ANHX: variants seen among roughly 807,000 people sequenced by gnomAD.
ANHX encodes the protein anomalous homeobox.
Under a neutral mutation model 38.9 loss-of-function variants are expected in ANHX, and 20 were observed. The ratio of observed to expected loss-of-function variants is 0.51; its 90% CI spans 0.36 to 0.75. The LOEUF is 0.75. Ranked by LOEUF, ANHX falls within the 30% of genes least tolerant of loss-of-function variation. The pLI, the probability that ANHX is intolerant of heterozygous loss-of-function variation, is 0.00. For synonymous variants in ANHX, 185 were observed against 203.1 expected (o/e 0.91, Z 0.76); for missense variants, 475 against 493.1 (o/e 0.96, Z 0.35).
Position 133,218,838 on chromosome 12 carries a change from A to G in ANHX, c.*47T>C, listed in dbSNP as rs1169304770. On this transcript the variant is annotated 3_prime_UTR_variant, in exon 10 of 10. Transcript: ENST00000545940. ...ACTCCTTGTGTTGACCAGGCAGACC[A>G]TCCACACCCGCTCCTCCTGGGGTGC... 3 of 1,404,554 alleles carry G rather than the reference A, an allele frequency of 2.1e-6. No individual in the cohort carries two copies. The highest frequency in any genetic ancestry group is 1.4e-5 in the African/African-American group (1 of 69,348). 87.0% of individuals were successfully genotyped at this position (1,404,554 alleles called of 1,614,324 possible).
At chr12:133,224,691 CGTGGTG>C (rs1957160957) in intron 7 of ANHX, among the ~76,000 whole-genome samples, 1 of 135,138 alleles carries the variant, frequency 7.4e-6, no homozygotes, top group African/African-American at 2.8e-5. Context: ...AAATGCTGGG[CGTGGTG>C]GCTCACGCCT....
At chr12:133,219,165 T>C (rs755702562) in intron 9 of ANHX, 118 bp downstream of exon 9, 14 of 1,076,806 alleles carry the variant, frequency 1.3e-5, no homozygotes, top group Non-Finnish European at 1.9e-5. Context: ...CTTTGCCCCT[T>C]GTTTATCTTT....
Position 133,218,685 on chromosome 12 carries a change from T to C in ANHX, c.*200A>G, listed in dbSNP as rs551744049. The stretch of plus-strand genomic sequence containing the variant: ...ATCTCACGAACATTTCTCAAATGCT[T>C]TCTCTACTACAGGGAATTGCTAACC... On this transcript the variant is annotated 3_prime_UTR_variant, in exon 10 of 10. Transcript: ENST00000545940. 1.6e-4 allele frequency: 68 copies of C among 432,374 alleles called. No individual in the cohort carries two copies. The highest frequency in any genetic ancestry group is 8.3e-4 in the African/African-American group (41 of 49,612). The allele number at this position is 432,374 out of a possible 1,614,324, so 26.8% of individuals were successfully genotyped here.
rs538713338 is a variant in ANHX, at chr12:133,221,118, C to T, written c.1280+87G>A. On this transcript the variant is annotated intron_variant, in intron 8 of 9. Transcript: ENST00000545940. This position sits in a 1 kb window ranked among gnomAD's most constrained non-coding sequence, Gnocchi z 4.1. ...AGGAGAGGACCCTATCTGCACAGTC[C>T]GGGACGGTGAGTCTATAAACTGGGC... The T allele has an allele frequency of 7.3e-5, 107 of 1,472,228 alleles. No homozygotes were observed. The highest frequency in any genetic ancestry group is 2.5e-4 in the East Asian group (10 of 40,246). 91.2% of individuals were successfully genotyped at this position (1,472,228 alleles called of 1,614,324 possible). A position where few individuals can be genotyped will look rare whatever the true frequency, so the allele number is the denominator to read the frequency against.
intron 2 of ANHX, among the ~76,000 whole-genome samples, chr12:133,232,416 C>T (rs988910206): frequency 2.6e-5 from 4 of 152,194 alleles, no homozygotes; most frequent in African/African-American, 9.7e-5. Flanking sequence ...GAGAATCATT[C>T]AGCTTTCTCT....
At chr12:133,223,588 G>A (rs775339248) in intron 7 of ANHX, among the ~76,000 whole-genome samples, 1 of 151,746 alleles carries the variant, frequency 6.6e-6, no homozygotes, top group East Asian at 1.9e-4. Context: ...TGGGACAACA[G>A]GCACCACCAC....
At chr12:133,227,693 A>G in intron 4 of ANHX, 131 bp downstream of exon 4, 4 of 1,034,806 alleles carry the variant, frequency 3.9e-6, no homozygotes, top group Non-Finnish European at 5.5e-6. Flanking sequence ...GTCCCTGTCC[A>G]GAGGAGGGGC....
intron 2 of ANHX, 140 bp downstream of exon 2, chr12:133,233,968 T>A: frequency 4.4e-6 from 5 of 1,132,350 alleles, no homozygotes; most frequent in Non-Finnish European, 6.1e-6. Context: ...CTCCCAGGTT[T>A]TTCCAAGGCC....
intron 7 of ANHX, among the ~76,000 whole-genome samples, chr12:133,223,193 A>AT (rs1295703915): frequency 6.6e-6 from 1 of 151,458 alleles, no homozygotes; most frequent in Non-Finnish European, 1.5e-5. Flanking sequence ...CCGCCTCAAA[A>AT]AAAAATATAT....
chr12:133,233,003 A>G (rs1957306833), intron 2 of ANHX, among the ~76,000 whole-genome samples: 1 of 151,870 alleles, frequency 6.6e-6, no homozygotes, highest in Non-Finnish European at 1.5e-5. Context: ...AGGAGGCACC[A>G]CCTCCCTGGG....
Position 133,221,174 on chromosome 12 carries a change from C to T in ANHX, c.1280+31G>A. The T allele has an allele frequency of 6.5e-7, 1 of 1,533,884 alleles. No homozygotes were observed. The highest frequency in any genetic ancestry group is 8.7e-7 in the Non-Finnish European group (1 of 1,145,626). The stretch of plus-strand genomic sequence containing the variant: ...CCTATCTTGTGGCCTGTGGAAAGGA[C>T]TGTCCAGGCCTGTGGCTCTTCAGGG... On this transcript the variant is annotated intron_variant, in intron 8 of 9. Coordinates refer to ENST00000545940, the MANE Select transcript of ANHX (RefSeq NM_001372060.1). The surrounding 1 kb of genome is among the most constrained non-coding windows in gnomAD (Gnocchi z 4.1).
chr12:133,227,103 C>T lies in ANHX; in HGVS notation c.551G>A (p.Trp184Ter). 1 of 1,536,062 alleles carries T rather than the reference C, an allele frequency of 6.5e-7. No homozygotes were observed. Among genetic ancestry groups the T allele is most frequent in the Non-Finnish European group, 8.7e-7 (1 of 1,146,858 alleles). The change falls in exon 5 of 10, where the codon TGG (tryptophan) becomes TAG (stop). Residue 184 changes from tryptophan (W) to a stop codon, truncating the protein, a stop_gained. Transcript: ENST00000545940. LOFTEE classifies it high-confidence loss of function. ...TTGGCGGCGCCGGTAATTGGCAAACCAGTTGTACACCTGCTCAGGGGTCAA... is the reference window on the plus strand; with the variant it reads ...TTGGCGGCGCCGGTAATTGGCAAACTAGTTGTACACCTGCTCAGGGGTCAA... ...TSLTPEQVYN[W>*]FANYRRRQRA...
chr12:133,231,393 G>A (rs369957881), intron 3 of ANHX, 124 bp downstream of exon 3: 279 of 1,315,498 alleles, frequency 2.1e-4, no homozygotes, highest in Middle Eastern at 7.4e-4. Context: ...TTACTGCTCC[G>A]GCGGACATTT....
chr12:133,233,289 G>A (rs141355121), intron 2 of ANHX, among the ~76,000 whole-genome samples: 2,878 of 152,314 alleles, frequency 0.019, 47 homozygotes, highest in Middle Eastern at 0.031. Context: ...CCCTCTGGCT[G>A]CTGTGTGAAC....
At chr12:133,227,433 A>G (rs149800174) in intron 4 of ANHX, among the ~76,000 whole-genome samples, 11,822 of 152,204 alleles carry the variant, frequency 0.078, 746 homozygotes, top group African/African-American at 0.18. Flanking sequence ...CACCCAGACA[A>G]CATGCCCAGG....
chr12:133,223,900 G>T (rs941432014), intron 7 of ANHX, among the ~76,000 whole-genome samples: 17 of 151,954 alleles, frequency 1.1e-4, no homozygotes, highest in African/African-American at 1.7e-4. Context: ...AAATTATGAG[G>T]GGGGGAAAAG....
chr12:133,232,153 G>A (rs973100217), intron 2 of ANHX, among the ~76,000 whole-genome samples: 9 of 109,860 alleles, frequency 8.2e-5, no homozygotes, highest in African/African-American at 3.0e-4. Flanking sequence ...CCCAGCAGCA[G>A]TGCTGGTCCC....
In ANHX at chr12:133,226,920, C is replaced by G; in HGVS notation, c.718+16G>C. 2.7e-6 allele frequency: 4 copies of G among 1,492,428 alleles called. No individual in the cohort carries two copies. Among genetic ancestry groups the G allele is most frequent in the Non-Finnish European group, 3.6e-6 (4 of 1,124,792 alleles). The allele number at this position is 1,492,428 out of a possible 1,614,324, so 92.4% of individuals were successfully genotyped here. ...CTCCCCGACCACAAGGAGACTGGGG[C>G]CCTCAGGCCACTCACCTGACCACTG... On this transcript the variant is annotated intron_variant, in intron 5 of 9. Coordinates refer to ENST00000545940, the MANE Select transcript of ANHX (RefSeq NM_001372060.1).
rs1267184385 is a variant in ANHX at position 133,218,900 on chromosome 12, C to T, written c.1437G>A (p.Gly479=). 1 of 1,529,806 alleles carries T rather than the reference C, an allele frequency of 6.5e-7. No individual in the cohort carries two copies. Among genetic ancestry groups the T allele is most frequent in the Non-Finnish European group, 8.8e-7 (1 of 1,142,430 alleles). The allele number at this position is 1,529,806 out of a possible 1,614,324, so 94.8% of individuals were successfully genotyped here. The change falls in exon 10 of 10, where the codon GGG becomes GGA. Residue 479 remains glycine (G), a synonymous_variant. Coordinates refer to ENST00000545940, the MANE Select transcript of ANHX (RefSeq NM_001372060.1). ...TGGGGATAGCTCAGCCCAGGCTGCT[C>T]CCTGAAAACTCAAGGAGCATCCTGG... ...WGARMLLEFS[G]SSLG
Sources: gnomAD v4.1 joint callset for allele counts (sites outside exome capture counted in the v4.1 genomes callset) on GRCh38, gnomAD v4.1.1 for gene constraint, Gnocchi (gnomAD v3.1) non-coding constraint, MANE v1.5 for transcripts, NCBI Gene and HGNC (gene_info 2026-07-23, HGNC 2026-07-21) for gene names.